The following CSMD1 variants were observed in gnomAD, a reference collection of about 807,000 sequenced individuals.
The protein encoded by CSMD1 is CUB and Sushi multiple domains 1, also known as CUB and sushi domain-containing protein 1.
In CSMD1, 213 loss-of-function variants were observed where a neutral mutation model predicts 417.5. The ratio of observed to expected loss-of-function variants is 0.51; its 90% CI spans 0.46 to 0.57. The LOEUF is 0.57. CSMD1 is among the 20% of genes least tolerant of loss of function. The probability of loss-of-function intolerance (pLI) is 0.00; values close to 1 mark genes in which losing one functional copy is unlikely to be tolerated. For synonymous variants in CSMD1, 2,862 were observed against 1,736.8 expected (o/e 1.65, Z -16.11); for missense variants, 6,923 against 4,529.7 (o/e 1.53, Z -15.17).
At chr8:4,512,183 C>G (rs775102885) in intron 2 of CSMD1, among the ~76,000 whole-genome samples, 3 of 152,106 alleles carry the variant, frequency 2.0e-5, no homozygotes, top group Admixed American at 6.5e-5. Flanking sequence ...AAGAAAAAAT[C>G]ACATGATCAC....
chr8:3,772,492 TATATACATATATACAC>T (rs1563064517), intron 5 of CSMD1, among the ~76,000 whole-genome samples: 892 of 24,676 alleles, frequency 0.036, 273 homozygotes, highest in South Asian at 0.062. Context: ...TATATACACA[TATATACATATATACAC>T]ATATATACAT....
chr8:3,101,508 C>T (rs888681409), intron 46 of CSMD1, among the ~76,000 whole-genome samples: 7 of 152,118 alleles, frequency 4.6e-5, no homozygotes, highest in African/African-American at 1.2e-4. Flanking sequence ...CTGCAAGCTC[C>T]ACCTCCGGGG....
At chr8:3,642,429 A>G (rs2117323458) in intron 7 of CSMD1, among the ~76,000 whole-genome samples, 1 of 152,306 alleles carries the variant, frequency 6.6e-6, no homozygotes, top group African/African-American at 2.4e-5. Context: ...TGATACCTAT[A>G]TGGCTCTAAA....
Position 4,743,615 on chromosome 8 carries a change from C to A in CSMD1, c.86-106057G>T, listed in dbSNP as rs1810765373. 2.0e-5 allele frequency among the ~76,000 whole-genome samples: 3 copies of A among 152,260 alleles called. No homozygotes were observed. In the East Asian group the frequency reaches 5.8e-4, roughly 29 times the overall value. The stretch of plus-strand genomic sequence containing the variant: ...ATTCCCTGGATAGTCAAACGCTATT[C>A]AAATTTTACAAGTTGCTTTTCCAAT... On this transcript the variant is annotated intron_variant, in intron 1 of 69. Coordinates refer to ENST00000635120, the MANE Select transcript of CSMD1 (RefSeq NM_033225.6).
chr8:4,360,100 TG>T (rs1167668681), intron 3 of CSMD1, among the ~76,000 whole-genome samples: 1 of 151,936 alleles, frequency 6.6e-6, no homozygotes, highest in African/African-American at 2.4e-5. Flanking sequence ...TTAACATATC[TG>T]TATGTCTGGT....
At chr8:3,434,871 A>T (rs1001533558) in intron 12 of CSMD1, among the ~76,000 whole-genome samples, 1 of 152,224 alleles carries the variant, frequency 6.6e-6, no homozygotes, top group Non-Finnish European at 1.5e-5. Context: ...AATTAAAAAA[A>T]GTTAATGCAG....
intron 20 of CSMD1, among the ~76,000 whole-genome samples, chr8:3,364,298 G>C (rs1283171454): frequency 1.3e-5 from 2 of 152,140 alleles, no homozygotes; most frequent in East Asian, 1.9e-4. Context: ...GAAATCCAAA[G>C]TGTTGTCTTT....
In CSMD1 at chr8:3,471,634, C is replaced by G. The variant is rs560663948; in HGVS notation, c.1449-2810G>C. ...TCTCCTTCCTTCCCTCCCTCTCTCC[C>G]TCCCTTCTTCCTCTCTCCTTCCTTC... is the stretch of plus-strand genomic sequence containing the variant. On this transcript the variant is annotated intron_variant, in intron 11 of 69. Transcript: ENST00000635120. Among the ~76,000 whole-genome samples the G allele has an allele frequency of 1.5e-4, 22 of 146,640 alleles. No homozygotes were observed. The East Asian group carries it at 4.3e-3, about 29-fold the overall frequency.
At chr8:4,810,933 A>T (rs983137294) in intron 1 of CSMD1, among the ~76,000 whole-genome samples, 13 of 152,220 alleles carry the variant, frequency 8.5e-5, no homozygotes, top group Admixed American at 6.5e-5. Context: ...ATATGAGATT[A>T]AAGAATGGCA....
At chr8:3,407,834 A>T in intron 14 of CSMD1, 65 bp downstream of exon 14, 1 of 1,396,374 alleles carries the variant, frequency 7.2e-7, no homozygotes, top group South Asian at 1.4e-5. Flanking sequence ...ACATACATAT[A>T]AGCAAAATGG....
chr8:3,751,038 C>G (rs1003973485), intron 6 of CSMD1, among the ~76,000 whole-genome samples: 3 of 152,102 alleles, frequency 2.0e-5, no homozygotes, highest in African/African-American at 4.8e-5. Flanking sequence ...TAGTACTGAA[C>G]CTAACCTTCC....
chr8:4,290,402 G>T (rs756349311), intron 3 of CSMD1, among the ~76,000 whole-genome samples: 13 of 152,228 alleles, frequency 8.5e-5, no homozygotes, highest in African/African-American at 1.4e-4. Flanking sequence ...GGTAAACACA[G>T]ATCAGAAAGG....
intron 49 of CSMD1, among the ~76,000 whole-genome samples, chr8:3,057,338 T>C (rs67634026): frequency 0.15 from 22,420 of 152,132 alleles, 1,972 homozygotes; most frequent in African/African-American, 0.25. Context: ...ATTATGTTTG[T>C]ATATATTTAG....
chr8:3,800,406 G>C (rs1336436631), intron 5 of CSMD1, among the ~76,000 whole-genome samples: 1 of 152,118 alleles, frequency 6.6e-6, no homozygotes, highest in African/African-American at 2.4e-5. Flanking sequence ...TGCAATTATT[G>C]ACACCTGTGA....
chr8:3,857,978 T>C (rs1804432602), intron 5 of CSMD1, among the ~76,000 whole-genome samples: 1 of 152,228 alleles, frequency 6.6e-6, no homozygotes, highest in Admixed American at 6.5e-5. Flanking sequence ...TATAAAATTG[T>C]TCGGCATGGT....
chr8:3,487,664 A>G (rs1046099417), intron 11 of CSMD1, among the ~76,000 whole-genome samples: 10 of 152,238 alleles, frequency 6.6e-5, no homozygotes, highest in African/African-American at 2.2e-4. Flanking sequence ...ATTGCCAGAT[A>G]GAATTTTCAA....
chr8:3,864,573 T>C (rs1399242460), intron 5 of CSMD1, among the ~76,000 whole-genome samples: 1 of 152,170 alleles, frequency 6.6e-6, no homozygotes, highest in Non-Finnish European at 1.5e-5. Context: ...ACCCATTAAC[T>C]CGTCATTTAG....
At chr8:3,876,854 C>T (rs919285939) in intron 5 of CSMD1, among the ~76,000 whole-genome samples, 1 of 152,186 alleles carries the variant, frequency 6.6e-6, no homozygotes, top group African/African-American at 2.4e-5. Flanking sequence ...TCAAGTGATT[C>T]GCCCGCCTTG....
intron 1 of CSMD1, among the ~76,000 whole-genome samples, chr8:4,781,744 G>A (rs938721237): frequency 1.3e-5 from 2 of 152,122 alleles, no homozygotes; most frequent in East Asian, 1.9e-4. Context: ...CTTACTATAT[G>A]GTAACCATTC....
Sources: gnomAD v4.1 joint callset for allele counts (sites outside exome capture counted in the v4.1 genomes callset) on GRCh38, gnomAD v4.1.1 for gene constraint, MANE v1.5 for transcripts, NCBI Gene and HGNC (gene_info 2026-07-23, HGNC 2026-07-21) for gene names.